Variants in EFCAB5 observed in about 807,000 individuals in gnomAD.
EFCAB5 encodes the protein EF-hand calcium binding domain 5.
EFCAB5 carries 131 observed loss-of-function variants against 167.9 expected under a neutral mutation model. The ratio of observed to expected loss-of-function variants is 0.78; its 90% confidence interval spans 0.68 to 0.90. The LOEUF (loss-of-function observed/expected upper bound fraction) is 0.90, where lower values mean the gene tolerates loss of function less well. EFCAB5 is among the 40% of genes least tolerant of loss of function. The pLI, the probability that EFCAB5 is intolerant of heterozygous loss-of-function variation, is 0.00. For synonymous variants in EFCAB5, 574 were observed against 602.8 expected, an observed-to-expected ratio of 0.95 and a Z score of 0.70; for missense variants, 1,663 against 1,745.2, an observed-to-expected ratio of 0.95 and a Z score of 0.84.
At chr17:30,063,261 C>T (rs1567752287) in intron 14 of EFCAB5, among the ~76,000 whole-genome samples, 3 of 152,210 alleles carry the variant, frequency 2.0e-5, no homozygotes, top group Non-Finnish European at 4.4e-5. Context: ...TTCTGGGTTA[C>T]TTGCTGCCAC....
In EFCAB5 at chr17:29,993,256, C is replaced by G. The variant is rs111875382; in HGVS notation, c.859C>G (p.Gln287Glu). The change falls in exon 5 of 23, where the codon CAG becomes GAG. Residue 287 changes from glutamine (Q) to glutamate (E), a missense_variant. Physicochemically the swap from Gln to Glu is conservative, Grantham distance 29. Coordinates refer to ENST00000394835, the MANE Select transcript of EFCAB5 (RefSeq NM_198529.4). The stretch of plus-strand genomic sequence containing the variant: ...AGTCAAGGTGGCCAACACACGGAAA[C>G]AGGCTCTGCAGGAGCAATTCGATGA... Reference protein sequence around the residue: ...IIVKVANTRKQALQEQFDEWI... With the variant: ...IIVKVANTRKEALQEQFDEWI... The G allele has an allele frequency of 4.2e-5, 68 of 1,613,848 alleles. 1 individual carries two copies. Among genetic ancestry groups the G allele is most frequent in the African/African-American group, 3.3e-4 (25 of 75,048 alleles).
chr17:30,092,061 G>A lies in EFCAB5; in HGVS notation c.4128G>A (p.Val1376=). ...AATCTATGGAGTTGGAAGCCAACGT[G>A]AAACTAGTGCGTGACATCCTGAAGG... The part of the protein sequence containing the change: ...DSKSMELEAN[V]KLVRDILKAV... The change falls in exon 21 of 23, where the codon GTG becomes GTA. Residue 1376 remains valine (V), a synonymous_variant. Coordinates refer to ENST00000394835, the MANE Select transcript of EFCAB5 (RefSeq NM_198529.4). 1.2e-6 allele frequency: 2 copies of A among 1,613,990 alleles called. No individual in the cohort carries two copies. The highest frequency in any genetic ancestry group is 1.1e-5 in the South Asian group (1 of 91,088).
At chr17:29,987,340 A>G (rs1478093528) in intron 4 of EFCAB5, among the ~76,000 whole-genome samples, 1 of 152,076 alleles carries the variant, frequency 6.6e-6, no homozygotes, top group Non-Finnish European at 1.5e-5. Flanking sequence ...GGGTATCTGG[A>G]TCTTAGTAAG....
Position 30,107,809 on chromosome 17 carries a change from CTTTTCT to C in EFCAB5, c.4322-20_4322-15del, listed in dbSNP as rs760194109. 90 of 388,310 alleles carry C rather than the reference CTTTTCT, an allele frequency of 2.3e-4. No homozygotes were observed. The East Asian group carries it at 5.2e-3, about 22-fold the overall frequency. 24.1% of individuals were successfully genotyped at this position (388,310 alleles called of 1,614,324 possible). The stretch of plus-strand genomic sequence containing the variant: ...TAAAGTGCAAAACTCTCCACTCTTA[CTTTTCT>C]TTTTTTTTCCTGATGCAGATCATTC... On this transcript the variant is annotated intron_variant, in intron 22 of 22. Transcript: ENST00000394835.
intron 3 of EFCAB5, among the ~76,000 whole-genome samples, chr17:29,964,692 GT>G (rs1305663578): frequency 1.0e-4 from 15 of 148,274 alleles, no homozygotes; most frequent in Non-Finnish European, 1.2e-4. Flanking sequence ...CTTTGCTAAT[GT>G]TTTTTTCAGT....
intron 4 of EFCAB5, among the ~76,000 whole-genome samples, chr17:29,973,480 C>CTTT (rs35478169): frequency 5.9e-5 from 8 of 135,560 alleles, no homozygotes; most frequent in Non-Finnish European, 8.0e-5. Context: ...TTCCTTTTTC[C>CTTT]TTTTTTTTTT....
intron 7 of EFCAB5, among the ~76,000 whole-genome samples, chr17:30,030,866 G>A (rs1317663959): frequency 6.6e-6 from 1 of 151,964 alleles, no homozygotes; most frequent in African/African-American, 2.4e-5. Flanking sequence ...TGTTGCTCAG[G>A]CTGGCCTCAA....
At position 30,094,507 on chromosome 17, in the gene EFCAB5, C is replaced by CAA. The variant is rs57885339; in HGVS notation, c.4321+1597_4321+1598dup. Reference sequence around the variant, plus strand: ...ACAACATGGCAAAATCTTGTCTCTCCAAAAAAAAAAAAAAAAAAAAAAAAA... The same window carrying CAA: ...ACAACATGGCAAAATCTTGTCTCTCCAAAAAAAAAAAAAAAAAAAAAAAAAAA... On this transcript the variant is annotated intron_variant, in intron 22 of 22. Coordinates refer to ENST00000394835, the MANE Select transcript of EFCAB5 (RefSeq NM_198529.4). 3.1e-3 allele frequency among the ~76,000 whole-genome samples: 128 copies of CAA among 40,696 alleles called. 2 individuals carry two copies. Among genetic ancestry groups the CAA allele is most frequent in the South Asian group, 4.1e-3 (4 of 976 alleles). 26.7% of individuals were successfully genotyped at this position (40,696 alleles called of 152,430 possible).
intron 15 of EFCAB5, among the ~76,000 whole-genome samples, chr17:30,079,593 A>G (rs903474145): frequency 1.8e-4 from 27 of 152,228 alleles, no homozygotes; most frequent in African/African-American, 6.5e-4. Context: ...CTGAAATTAC[A>G]TAGATCAAAT....
chr17:29,960,245 C>T (rs2067694261), intron 3 of EFCAB5, among the ~76,000 whole-genome samples: 1 of 152,146 alleles, frequency 6.6e-6, no homozygotes. Context: ...ACTGTCTTTC[C>T]TATTCTCAGT....
chr17:30,057,958 T>A, intron 13 of EFCAB5, 68 bp downstream of exon 13: 1 of 1,415,338 alleles, frequency 7.1e-7, no homozygotes, highest in Middle Eastern at 1.9e-4. Context: ...CAACCTCAGT[T>A]GCTCCCGATG....
chr17:30,033,131 T>A (rs1442936689), intron 7 of EFCAB5, among the ~76,000 whole-genome samples: 1 of 151,182 alleles, frequency 6.6e-6, no homozygotes, highest in East Asian at 1.9e-4. Context: ...CAGGCTGGAG[T>A]GCAGTGGCGC....
intron 10 of EFCAB5, 110 bp downstream of exon 10, chr17:30,054,258 A>T (rs535010719): frequency 7.3e-7 from 1 of 1,371,134 alleles, no homozygotes; most frequent in Middle Eastern, 2.6e-4. Context: ...GGCATATCAG[A>T]TCATGCAAAC....
At chr17:29,940,179 C>T (rs1190985040), upstream of EFCAB5, among the ~76,000 whole-genome samples, 1 of 151,902 alleles carries the variant, frequency 6.6e-6, no homozygotes, top group Non-Finnish European at 1.5e-5. Flanking sequence ...GGGTTCAAGC[C>T]ATTTTCCTGC....
At chr17:30,002,844 C>A (rs1486881687) in intron 7 of EFCAB5, among the ~76,000 whole-genome samples, 1 of 152,050 alleles carries the variant, frequency 6.6e-6, no homozygotes, top group Admixed American at 6.6e-5. Context: ...ATATAGAATT[C>A]TTGATTGAAA....
intron 7 of EFCAB5, among the ~76,000 whole-genome samples, chr17:30,030,573 C>T (rs181136243): frequency 6.6e-6 from 1 of 152,276 alleles, no homozygotes; most frequent in Non-Finnish European, 1.5e-5. Context: ...GAACTCCTGA[C>T]TTCAGGTGAT....
chr17:30,087,049 T>C lies in EFCAB5; in HGVS notation c.3580-14T>C. ...GTCTAATTACTCCTAATGAAATGCCTTCCTCTTTTCAAGGATTCAGACTAT... is the reference window on the plus strand; with the variant it reads ...GTCTAATTACTCCTAATGAAATGCCCTCCTCTTTTCAAGGATTCAGACTAT... On this transcript the variant is annotated splice_polypyrimidine_tract_variant and intron_variant, in intron 18 of 22. Coordinates refer to ENST00000394835, the MANE Select transcript of EFCAB5 (RefSeq NM_198529.4). The C allele has an allele frequency of 6.2e-7, 1 of 1,611,536 alleles. No individual in the cohort carries two copies. Among genetic ancestry groups the C allele is most frequent in the Non-Finnish European group, 8.5e-7 (1 of 1,178,046 alleles).
At chr17:30,016,955 T>A (rs1284168555) in intron 7 of EFCAB5, among the ~76,000 whole-genome samples, 1 of 151,954 alleles carries the variant, frequency 6.6e-6, no homozygotes, top group Admixed American at 6.6e-5. Context: ...GGTGGGAGGA[T>A]CTCTTGAGCC....
chr17:30,039,730 T>A (rs764239141), intron 8 of EFCAB5, among the ~76,000 whole-genome samples: 16 of 152,322 alleles, frequency 1.1e-4, no homozygotes, highest in Admixed American at 6.5e-4. Context: ...TGTAACCCAG[T>A]GCTTATATCC....
Sources: allele counts gnomAD v4.1 joint callset (sites outside exome capture counted in the v4.1 genomes callset), GRCh38; gene constraint gnomAD v4.1.1; transcripts MANE v1.5; gene names NCBI Gene and HGNC (gene_info 2026-07-23, HGNC 2026-07-21).